Variants in PDPR observed in about 807,000 individuals in gnomAD.
The protein encoded by PDPR is pyruvate dehydrogenase phosphatase regulatory subunit, mitochondrial.
Under a neutral mutation model 102.2 loss-of-function variants are expected in PDPR, and 50 were observed. That is an observed-to-expected ratio of 0.49 (90% confidence interval 0.39 to 0.62). PDPR has a LOEUF of 0.62. Among genes scored for constraint, PDPR ranks in the 20% least tolerant of loss-of-function variants. The pLI is 0.00. For synonymous variants in PDPR, 259 were observed against 406.0 expected, an observed-to-expected ratio of 0.64 and a Z score of 4.35; for missense variants, 625 against 1,098.2, an observed-to-expected ratio of 0.57 and a Z score of 6.09.
chr16:70,131,486 A>G (rs1349614337), intron 8 of PDPR, 67 bp downstream of exon 8: 4 of 1,417,544 alleles, frequency 2.8e-6, no homozygotes, highest in Non-Finnish European at 3.9e-6. Flanking sequence ...GAAAAGGAAA[A>G]CTTTCTGCTA....
chr16:70,154,056 A>G (rs781536787), intron 18 of PDPR, among the ~76,000 whole-genome samples: 12 of 152,250 alleles, frequency 7.9e-5, no homozygotes, highest in Non-Finnish European at 1.2e-4. Context: ...GCGGGCGCCT[A>G]TAGTCAGGAG....
At chr16:70,144,352 AAG>A in intron 14 of PDPR, 67 bp from the exon 15 acceptor site, 1 of 450,522 alleles carries the variant, frequency 2.2e-6, no homozygotes, top group Non-Finnish European at 4.1e-6. Flanking sequence ...GAAACCAAAT[AAG>A]ATTTGATTGC....
chr16:70,137,675 T>G (rs1965290153), intron 10 of PDPR, among the ~76,000 whole-genome samples: 1 of 152,274 alleles, frequency 6.6e-6, no homozygotes, highest in African/African-American at 2.4e-5. Context: ...GAAAAGTTTA[T>G]TTTAAATTTA....
At chr16:70,126,740 A>T (rs1348601652) in intron 3 of PDPR, among the ~76,000 whole-genome samples, 1 of 152,342 alleles carries the variant, frequency 6.6e-6, no homozygotes, top group East Asian at 1.9e-4. Context: ...TGCCCAGGCC[A>T]GTCTTGAACT....
intron 2 of PDPR, among the ~76,000 whole-genome samples, chr16:70,117,387 G>A (rs866036175): frequency 8.0e-5 from 12 of 149,708 alleles, no homozygotes; most frequent in African/African-American, 1.7e-4. Flanking sequence ...GCATGGTGGT[G>A]GGTGCCTGTA....
chr16:70,130,580 G>A (rs778310399), intron 7 of PDPR, 36 bp downstream of exon 7: 19 of 1,611,686 alleles, frequency 1.2e-5, no homozygotes, highest in South Asian at 5.5e-5. Context: ...CTTATTTAAC[G>A]TTTGTCTCCA....
intron 10 of PDPR, among the ~76,000 whole-genome samples, chr16:70,138,207 A>ATTTTTTT (rs1201065640): frequency 3.7e-4 from 35 of 94,042 alleles, no homozygotes; most frequent in Non-Finnish European, 4.3e-4. Context: ...ACGCCGGCTA[A>ATTTTTTT]TTTTTTTTTT....
Position 70,159,801 on chromosome 16 carries a change from C to T in PDPR, c.*2922C>T, listed in dbSNP as rs374952478. On this transcript the variant is annotated 3_prime_UTR_variant, in exon 19 of 19. Coordinates refer to ENST00000288050, the MANE Select transcript of PDPR (RefSeq NM_017990.5). ...GCCAGTAGATGCCCCAGATCCAGAG[C>T]CGTGGCTGCAAATCCAGCAGGAATA... 921 of 152,784 alleles carry T rather than the reference C, an allele frequency of 6.0e-3. No homozygotes were observed. Among genetic ancestry groups the T allele is most frequent in the African/African-American group, 0.021 (880 of 41,324 alleles). 9.5% of individuals were successfully genotyped at this position (152,784 alleles called of 1,614,324 possible). A position where few individuals can be genotyped will look rare whatever the true frequency, so the allele number is the denominator to read the frequency against.
At chr16:70,163,038 C>T (rs1240104264), downstream of PDPR, among the ~76,000 whole-genome samples, 3 of 152,286 alleles carry the variant, frequency 2.0e-5, no homozygotes, top group Non-Finnish European at 2.9e-5. Context: ...GCAACCTCCA[C>T]TCCCAGGTTC....
At chr16:70,130,939 C>G (rs1422956250) in intron 7 of PDPR, among the ~76,000 whole-genome samples, 2 of 152,284 alleles carry the variant, frequency 1.3e-5, no homozygotes, top group Non-Finnish European at 2.9e-5. Context: ...TCTTGCCTTC[C>G]ATGCTATGAT....
At chr16:70,117,976 C>G (rs1329847060) in intron 2 of PDPR, among the ~76,000 whole-genome samples, 4 of 151,972 alleles carry the variant, frequency 2.6e-5, no homozygotes, top group African/African-American at 9.7e-5. Context: ...GCTTGTAGTT[C>G]CAGCTGTTCA....
chr16:70,121,092 ATT>A (rs1209479759), intron 3 of PDPR, among the ~76,000 whole-genome samples: 2 of 151,930 alleles, frequency 1.3e-5, no homozygotes, highest in Admixed American at 1.3e-4. Context: ...ACCCAGCAAC[ATT>A]TTAGACTTTG....
At chr16:70,152,733 A>AATT (rs1490149241) in intron 17 of PDPR, among the ~76,000 whole-genome samples, 12 of 152,406 alleles carry the variant, frequency 7.9e-5, no homozygotes, top group African/African-American at 2.9e-4. Context: ...CTTTAAACTT[A>AATT]ACAGCGTATG....
chr16:70,153,148 G>A (rs1302728157), intron 17 of PDPR, among the ~76,000 whole-genome samples: 1 of 152,276 alleles, frequency 6.6e-6, no homozygotes, highest in Non-Finnish European at 1.5e-5. Context: ...CACCACACAA[G>A]ACATTTTAGA....
At chr16:70,126,586 A>G (rs1963994606) in intron 3 of PDPR, among the ~76,000 whole-genome samples, 1 of 152,218 alleles carries the variant, frequency 6.6e-6, no homozygotes, top group Non-Finnish European at 1.5e-5. Flanking sequence ...GATGGTTTCG[A>G]TCTCCTGACC....
intron 15 of PDPR, chr16:70,145,631 A>G (rs1357494482): frequency 2.3e-6 from 1 of 435,206 alleles, no homozygotes; most frequent in Non-Finnish European, 4.5e-6. Context: ...GGATTGGGAT[A>G]CTACAGAATG....
At chr16:70,151,157 A>G (rs1033198304) in intron 17 of PDPR, among the ~76,000 whole-genome samples, 2 of 152,192 alleles carry the variant, frequency 1.3e-5, no homozygotes, top group African/African-American at 4.8e-5. Flanking sequence ...GATGGTCTCA[A>G]TCGCCTGACC....
intron 4 of PDPR, 77 bp from the exon 5 acceptor site, chr16:70,128,707 T>C (rs1964229521): frequency 6.2e-7 from 1 of 1,609,282 alleles, no homozygotes; most frequent in African/African-American, 1.3e-5. Context: ...TCTTCTAACC[T>C]ATAATCTAGT....
At chr16:70,136,571 A>G (rs577068290) in intron 10 of PDPR, among the ~76,000 whole-genome samples, 185 bp downstream of exon 10, 62 of 152,218 alleles carry the variant, frequency 4.1e-4, no homozygotes, top group African/African-American at 1.4e-3. Context: ...CCCATGTTCC[A>G]GAAATGTCAT....
Sources: allele counts gnomAD v4.1 joint callset (sites outside exome capture counted in the v4.1 genomes callset), GRCh38; gene constraint gnomAD v4.1.1; transcripts MANE v1.5; gene names NCBI Gene and HGNC (gene_info 2026-07-23, HGNC 2026-07-21).